DOK6: variants seen among roughly 807,000 people sequenced by gnomAD.
DOK6 encodes downstream of tyrosine kinase 6.
In DOK6, 22 loss-of-function variants were observed where a neutral mutation model predicts 44.0. The ratio of observed to expected loss-of-function variants is 0.50; its 90% CI spans 0.36 to 0.71. The LOEUF (loss-of-function observed/expected upper bound fraction) is 0.71. Among genes scored for constraint, DOK6 ranks in the 30% least tolerant of loss-of-function variants. DOK6 has a pLI of 0.00. For missense variants in DOK6, 340 were observed against 416.4 expected, an observed-to-expected ratio of 0.82 and a Z score of 1.60; for synonymous variants, 166 against 145.5, an observed-to-expected ratio of 1.14 and a Z score of -1.01.
intron 3 of DOK6, among the ~76,000 whole-genome samples, chr18:69,667,588 T>G (rs1232895981): frequency 1.3e-5 from 2 of 152,236 alleles, no homozygotes; most frequent in Non-Finnish European, 2.9e-5. Context: ...ATTTTTGGAC[T>G]TCATTTGACT....
intron 1 of DOK6, among the ~76,000 whole-genome samples, chr18:69,414,576 G>A (rs747198548): frequency 2.2e-4 from 34 of 152,070 alleles, no homozygotes; most frequent in Admixed American, 8.5e-4. Flanking sequence ...ACAGGAAAGA[G>A]GGTATGGGGT....
chr18:69,739,482 C>T (rs1450277415), intron 6 of DOK6, among the ~76,000 whole-genome samples: 1 of 152,160 alleles, frequency 6.6e-6, no homozygotes, highest in East Asian at 1.9e-4. Context: ...AAGGGTTCCA[C>T]TTTATTTTTT....
rs150953860 is a variant in DOK6 at position 69,509,569 on chromosome 18, T to C, written c.67-54918T>C. Among the ~76,000 whole-genome samples, 955 of 128,584 alleles carry C rather than the reference T, an allele frequency of 7.4e-3. 5 individuals carry two copies. Among genetic ancestry groups the C allele is most frequent in the African/African-American group, 0.026 (854 of 32,790 alleles). The allele number at this position is 128,584 out of a possible 152,430, so 84.4% of individuals were successfully genotyped here. A position where few individuals can be genotyped will look rare whatever the true frequency, so the allele number is the denominator to read the frequency against. ...AGGAGAATGGCGTGAACCCGGGAGG[T>C]GGAGCTTGCAGTGAGCCGAGATCGC... On this transcript the variant is annotated intron_variant, in intron 1 of 7. Transcript: ENST00000382713.
intron 1 of DOK6, among the ~76,000 whole-genome samples, chr18:69,405,490 G>A (rs371503309): frequency 1.3e-5 from 2 of 152,060 alleles, no homozygotes; most frequent in Non-Finnish European, 2.9e-5. Context: ...TGAGGTGCGA[G>A]AATTGCTTGA....
chr18:69,512,384 G>A (rs549934077), intron 1 of DOK6, among the ~76,000 whole-genome samples: 1 of 121,966 alleles, frequency 8.2e-6, no homozygotes, highest in East Asian at 2.3e-4. Context: ...TGTCACCCAG[G>A]CCAGGCTGGA....
intron 1 of DOK6, among the ~76,000 whole-genome samples, chr18:69,453,409 G>A (rs1979529300): frequency 1.8e-4 from 2 of 11,058 alleles, no homozygotes; most frequent in Non-Finnish European, 1.6e-4. Flanking sequence ...AATAAAAGAG[G>A]ATACAAACAA....
chr18:69,408,607 T>C (rs1256540238), intron 1 of DOK6, among the ~76,000 whole-genome samples: 1 of 152,204 alleles, frequency 6.6e-6, no homozygotes, highest in East Asian at 1.9e-4. Context: ...TTAAATCAAC[T>C]TAGTGAAAGG....
At chr18:69,739,141 T>C in intron 6 of DOK6, 38 bp downstream of exon 6, 1 of 1,609,744 alleles carries the variant, frequency 6.2e-7, no homozygotes. Context: ...AGCTTGGAAA[T>C]GAATGTCACT....
intron 1 of DOK6, among the ~76,000 whole-genome samples, chr18:69,499,268 G>A (rs914012611): frequency 7.5e-6 from 1 of 132,556 alleles, no homozygotes; most frequent in African/African-American, 2.5e-5. Flanking sequence ...CAAAAGATGC[G>A]ATGGGCTAAG....
intron 1 of DOK6, among the ~76,000 whole-genome samples, chr18:69,534,424 A>G (rs146278996): frequency 1.3e-5 from 2 of 152,146 alleles, no homozygotes; most frequent in East Asian, 1.9e-4. Flanking sequence ...TTTTAGATAT[A>G]TAATTGTTTC....
rs536711912 is a variant in DOK6 at position 69,710,520 on chromosome 18, G to A, written c.599+11927G>A. Among the ~76,000 whole-genome samples the A allele has an allele frequency of 2.0e-5, 3 of 152,276 alleles. 1 individual carries two copies. The South Asian group carries it at 6.2e-4, about 32-fold the overall frequency. ...ATACGTCTCAGGTTTTGTGTTTGGA[G>A]GTCAAAGAACTTAATTTGTGTGGTA... is the stretch of plus-strand genomic sequence containing the variant. On this transcript the variant is annotated intron_variant, in intron 5 of 7. Coordinates refer to ENST00000382713, the MANE Select transcript of DOK6 (RefSeq NM_152721.6).
At chr18:69,557,724 A>G (rs1982723943) in intron 1 of DOK6, among the ~76,000 whole-genome samples, 1 of 152,124 alleles carries the variant, frequency 6.6e-6, no homozygotes, top group Admixed American at 6.5e-5. Context: ...TTTAGGAGAT[A>G]GTTTTGAATG....
chr18:69,818,403 C>T (rs1014526651), intron 7 of DOK6, among the ~76,000 whole-genome samples: 1 of 152,080 alleles, frequency 6.6e-6, no homozygotes, highest in Non-Finnish European at 1.5e-5. Context: ...AGGCTTATTT[C>T]GAAGAACTGG....
chr18:69,410,539 C>T (rs898179925), intron 1 of DOK6, among the ~76,000 whole-genome samples: 1 of 152,202 alleles, frequency 6.6e-6, no homozygotes, highest in Admixed American at 6.5e-5. Context: ...AATTTCCTGA[C>T]AGTCCATAAT....
intron 1 of DOK6, among the ~76,000 whole-genome samples, chr18:69,482,667 T>G (rs1489278022): frequency 6.6e-6 from 1 of 152,010 alleles, no homozygotes; most frequent in African/African-American, 2.4e-5. Context: ...TTTTAGAGGT[T>G]TTAGTTTGTG....
intron 7 of DOK6, among the ~76,000 whole-genome samples, chr18:69,826,280 C>G (rs947614952): frequency 6.6e-6 from 1 of 152,166 alleles, no homozygotes; most frequent in African/African-American, 2.4e-5. Context: ...TCTGTACTCT[C>G]AGCCTTTTCC....
At chr18:69,675,737 A>T (rs1985906722) in intron 3 of DOK6, among the ~76,000 whole-genome samples, 1 of 152,156 alleles carries the variant, frequency 6.6e-6, no homozygotes, top group Admixed American at 6.6e-5. Flanking sequence ...ACATTTCTTG[A>T]TACATAGCAT....
At chr18:69,837,570 C>A (rs374610156) in intron 7 of DOK6, among the ~76,000 whole-genome samples, 305 of 136,112 alleles carry the variant, frequency 2.2e-3, no homozygotes, top group Admixed American at 3.0e-3. Flanking sequence ...AGGTGTTCAG[C>A]AAAAAAAAAA....
chr18:69,721,090 A>T lies in DOK6; in HGVS notation c.600-17875A>T, dbSNP rs182324427. 1.4e-3 allele frequency among the ~76,000 whole-genome samples: 216 copies of T among 152,336 alleles called. 1 individual carries two copies. Among genetic ancestry groups the T allele is most frequent in the Non-Finnish European group, 2.3e-3 (158 of 68,028 alleles). ...TTGCCTTCTTCAGTTCATAAAAAAG[A>T]AGTAGCTATCCTCACATACCCATGA... is the stretch of plus-strand genomic sequence containing the variant. On this transcript the variant is annotated intron_variant, in intron 5 of 7. Transcript: ENST00000382713.
Sources: allele counts gnomAD v4.1 joint callset (sites outside exome capture counted in the v4.1 genomes callset), GRCh38; gene constraint gnomAD v4.1.1; transcripts MANE v1.5; gene names NCBI Gene and HGNC (gene_info 2026-07-23, HGNC 2026-07-21).